Variants in HDC observed in about 807,000 individuals in gnomAD.
HDC encodes histidine decarboxylase.
Under a neutral mutation model 64.4 loss-of-function variants are expected in HDC, and 27 were observed. That is an observed-to-expected ratio of 0.42 (90% confidence interval 0.31 to 0.58). The LOEUF is 0.58. HDC is among the 20% of genes least tolerant of loss of function. The pLI is 0.16. For synonymous variants in HDC, 305 were observed against 314.2 expected, an observed-to-expected ratio of 0.97 and a Z score of 0.31; for missense variants, 711 against 833.9, an observed-to-expected ratio of 0.85 and a Z score of 1.81.
Position 50,257,433 on chromosome 15 carries a change from C to A in HDC, c.433G>T (p.Val145Phe). 6.2e-7 allele frequency: 1 copy of A among 1,614,238 alleles called. No individual in the cohort carries two copies. Among genetic ancestry groups the A allele is most frequent in the Non-Finnish European group, 8.5e-7 (1 of 1,180,036 alleles). Residue 145 changes from valine (V) to phenylalanine (F), a missense_variant, in exon 4 of 12, where the codon GTC (valine) becomes TTC (phenylalanine). Physicochemically the swap from Val to Phe is conservative, Grantham distance 50. Coordinates refer to ENST00000267845, the MANE Select transcript of HDC (RefSeq NM_002112.4). Reference sequence around the variant, plus strand: ...TTTGCCAAGGGAGGTACCTGCAGGACGCCTCCGCCCTGGCTGCTGGGGTGG... The same window carrying A: ...TTTGCCAAGGGAGGTACCTGCAGGAAGCCTCCGCCCTGGCTGCTGGGGTGG... ...HHHPSSQGGG[V>F]LQSTVSESTL...
rs754558209 is a variant in HDC at position 50,252,777 on chromosome 15, G to A, written c.788-3C>T. 1 of 1,611,706 alleles carries A rather than the reference G, an allele frequency of 6.2e-7. No homozygotes were observed. Among genetic ancestry groups the A allele is most frequent in the South Asian group, 1.1e-5 (1 of 90,716 alleles). ...GAGCCACAGCCCCTCACGGGCACCTGAGGAGGCAAACATCACCTGGCCGGA... is the reference window on the plus strand; with the variant it reads ...GAGCCACAGCCCCTCACGGGCACCTAAGGAGGCAAACATCACCTGGCCGGA... On this transcript the variant is annotated splice_polypyrimidine_tract_variant and splice_region_variant and intron_variant, in intron 7 of 11. Coordinates refer to ENST00000267845, the MANE Select transcript of HDC (RefSeq NM_002112.4).
At chr15:50,265,467 C>G in intron 1 of HDC, 126 bp downstream of exon 1, 1 of 842,456 alleles carries the variant, frequency 1.2e-6, no homozygotes, top group Middle Eastern at 2.3e-4. Flanking sequence ...GTTGCTGGTG[C>G]CAACTCTCAG....
intron 2 of HDC, among the ~76,000 whole-genome samples, chr15:50,260,242 C>T (rs960943104): frequency 3.9e-5 from 6 of 152,006 alleles, no homozygotes; most frequent in Non-Finnish European, 8.8e-5. Flanking sequence ...AGGCTAGTCT[C>T]GAACTCCTGA....
Position 50,254,185 on chromosome 15 carries a change from T to C in HDC, c.665A>G (p.Glu222Gly). ...TTCCTCGATGGCCTTCTGAAGAGCT[T>C]CCCCTCGGAGTGAGAAGTTGTCATC... ...PVDDNFSLRGEALQKAIEEDK... is the reference protein window; with the variant it reads ...PVDDNFSLRGGALQKAIEEDK... The change falls in exon 6 of 12, where the codon GAA becomes GGA. Residue 222 changes from glutamate to glycine, a missense_variant. Glu to Gly is a moderately conservative substitution (Grantham distance 98, BLOSUM62 -2). Coordinates refer to ENST00000267845, the MANE Select transcript of HDC (RefSeq NM_002112.4). The C allele has an allele frequency of 6.2e-7, 1 of 1,614,150 alleles. No homozygotes were observed. The highest frequency in any genetic ancestry group is 8.5e-7 in the Non-Finnish European group (1 of 1,180,006).
chr15:50,261,147 T>C (rs1387059115), intron 2 of HDC, among the ~76,000 whole-genome samples: 1 of 152,076 alleles, frequency 6.6e-6, no homozygotes, highest in Non-Finnish European at 1.5e-5. Flanking sequence ...GAGACAATAG[T>C]CTGTTCTTGT....
chr15:50,258,755 A>G (rs1190751801), intron 2 of HDC, among the ~76,000 whole-genome samples: 1 of 152,248 alleles, frequency 6.6e-6, no homozygotes, highest in South Asian at 2.1e-4. Flanking sequence ...TGCAAAGTCC[A>G]GAAGGAAATA....
In HDC at chr15:50,252,594, C is replaced by G. The variant is rs767520544; in HGVS notation, c.950+18G>C. On this transcript the variant is annotated intron_variant, in intron 8 of 11. Transcript: ENST00000267845. ...GCAAGGCGTTCCTGCGTGCTCGGAG[C>G]TGGGCTGCTACACTCACCAGAACCC... is the stretch of plus-strand genomic sequence containing the variant. 2 of 1,614,178 alleles carry G rather than the reference C, an allele frequency of 1.2e-6. No homozygotes were observed. The highest frequency in any genetic ancestry group is 1.7e-6 in the Non-Finnish European group (2 of 1,180,028).
At chr15:50,255,641 C>CA (rs1476857790) in intron 4 of HDC, among the ~76,000 whole-genome samples, 1 of 151,704 alleles carries the variant, frequency 6.6e-6, no homozygotes, top group Non-Finnish European at 1.5e-5. Flanking sequence ...ACAAAAAAAA[C>CA]AAAAAACAAA....
intron 10 of HDC, among the ~76,000 whole-genome samples, chr15:50,247,141 C>G (rs1021295052): frequency 2.0e-5 from 3 of 151,924 alleles, no homozygotes; most frequent in Non-Finnish European, 4.4e-5. Context: ...TTAACGGGCG[C>G]AAAAATACAA....
chr15:50,242,629 G>T lies in HDC; in HGVS notation c.1620C>A (p.Leu540=), dbSNP rs1275486611. 3 of 1,614,064 alleles carry T rather than the reference G, an allele frequency of 1.9e-6. No individual in the cohort carries two copies. Among genetic ancestry groups the T allele is most frequent in the African/African-American group, 2.7e-5 (2 of 74,904 alleles). ...GAGPMKRENG[L]HLETLLDPVD... ...CTGGGTCCAGCAGGGTTTCAAGATG[G>T]AGGCCATTTTCCCTTTTCATGGGAC... Residue 540 remains leucine (L), a synonymous_variant, in exon 12 of 12, where the codon CTC becomes CTA. Coordinates refer to ENST00000267845, the MANE Select transcript of HDC (RefSeq NM_002112.4).
chr15:50,244,390 A>G (rs193017478), intron 10 of HDC, among the ~76,000 whole-genome samples: 37 of 148,486 alleles, frequency 2.5e-4, no homozygotes, highest in Middle Eastern at 7.1e-3. Flanking sequence ...GCAGCCTTGA[A>G]CTCCTGAGCT....
In HDC at chr15:50,242,484, T is replaced by C. The variant is rs551690440; in HGVS notation, c.1765A>G (p.Ser589Gly). Residue 589 changes from serine to glycine, a missense_variant, in exon 12 of 12, where the codon AGT becomes GGT. Ser to Gly is a moderately conservative substitution (Grantham distance 56, BLOSUM62 0). Around this residue, in one of 3 missense-constraint regions of HDC, gnomAD observed 483 missense variants for 540.9 expected, o/e 0.89. Coordinates refer to ENST00000267845, the MANE Select transcript of HDC (RefSeq NM_002112.4). Reference protein sequence around the residue: ...KKTVRSLSCNSVPVSAQKPLP... With the variant: ...KKTVRSLSCNGVPVSAQKPLP... ...GGCTTCTGAGCACTCACTGGCACAC[T>C]GTTGCAACTGAGGGAGCGCACCGTC... 40 of 1,614,150 alleles carry C rather than the reference T, an allele frequency of 2.5e-5. No homozygotes were observed. The highest frequency in any genetic ancestry group is 1.1e-4 in the South Asian group (10 of 91,082).
chr15:50,243,173 C>T lies in HDC; in HGVS notation c.1212G>A (p.Arg404=), dbSNP rs748146828. 1.9e-6 allele frequency: 3 copies of T among 1,614,010 alleles called. No individual in the cohort carries two copies. In the Admixed American group the frequency reaches 5.0e-5, roughly 27 times the overall value. ...GACGAAAAACCACCAGGCCAAGGTG[C>T]CTCTTGGCAGGAATTTCAAAGGAAG... is the stretch of plus-strand genomic sequence containing the variant. ...NDPSFEIPAK[R]HLGLVVFRLK... Residue 404 remains arginine (R), a synonymous_variant, in exon 11 of 12, where the codon AGG becomes AGA. Coordinates refer to ENST00000267845, the MANE Select transcript of HDC (RefSeq NM_002112.4).
At chr15:50,257,208 C>T (rs1411015335) in intron 4 of HDC, among the ~76,000 whole-genome samples, 1 of 152,148 alleles carries the variant, frequency 6.6e-6, no homozygotes, top group Non-Finnish European at 1.5e-5. Context: ...TGTGTTGGCT[C>T]TTTAATTTCT....
At position 50,246,533 on chromosome 15, in the gene HDC, C is replaced by T. The variant is rs534966522; in HGVS notation, c.1140+1712G>A. Among the ~76,000 whole-genome samples the T allele has an allele frequency of 5.9e-5, 9 of 152,200 alleles. No individual in the cohort carries two copies. In the East Asian group the frequency reaches 1.7e-3, roughly 29 times the overall value. On this transcript the variant is annotated intron_variant, in intron 10 of 11. Transcript: ENST00000267845. ...CAGGTGAAGGACACGGGTGAAGGTGCAGAGATGGACTGAGCATGAGGTCTG... is the reference window on the plus strand; with the variant it reads ...CAGGTGAAGGACACGGGTGAAGGTGTAGAGATGGACTGAGCATGAGGTCTG...
At chr15:50,262,943 C>T (rs1448023853) in intron 2 of HDC, among the ~76,000 whole-genome samples, 1 of 152,224 alleles carries the variant, frequency 6.6e-6, no homozygotes, top group Non-Finnish European at 1.5e-5. Context: ...CATTAGACTT[C>T]CACACTTCTG....
intron 1 of HDC, among the ~76,000 whole-genome samples, chr15:50,265,349 A>G (rs1429017144): frequency 6.6e-6 from 1 of 152,168 alleles, no homozygotes; most frequent in Non-Finnish European, 1.5e-5. Flanking sequence ...AAAGCAAGGC[A>G]CGGTAGTGTG....
At chr15:50,252,110 G>C (rs113670512) in intron 9 of HDC, among the ~76,000 whole-genome samples, 1,882 of 152,308 alleles carry the variant, frequency 0.012, 12 homozygotes, top group African/African-American at 0.016. Context: ...AAGATGACCC[G>C]AGATGGAGGC....
In HDC at chr15:50,254,776, C is replaced by CTCTCTCTG. The variant is rs542486289; in HGVS notation, c.442-113_442-112insCAGAGAGA. On this transcript the variant is annotated intron_variant, in intron 4 of 11. Transcript: ENST00000267845. ...TCTCTCTCTCTCTCTCTCTCTCTCT[C>CTCTCTCTG]TGTGTGTGTATGTGTTTGTGTATGT... The CTCTCTCTG allele has an allele frequency of 1.1e-3, 946 of 825,818 alleles. 14 individuals carry two copies. In the African/African-American group the frequency reaches 0.015, roughly 13 times the overall value. The allele number at this position is 825,818 out of a possible 1,614,324, so 51.2% of individuals were successfully genotyped here.
Sources: allele counts gnomAD v4.1 joint callset (sites outside exome capture counted in the v4.1 genomes callset), GRCh38; gene constraint gnomAD v4.1.1; regional missense constraint gnomAD v4.1.1; transcripts MANE v1.5; gene names NCBI Gene and HGNC (gene_info 2026-07-23, HGNC 2026-07-21).